Variants in CNTNAP5 observed in about 807,000 individuals in gnomAD.
CNTNAP5 encodes the protein contactin-associated protein-like 5.
Under a neutral mutation model 150.2 loss-of-function variants are expected in CNTNAP5, and 72 were observed. That is an observed-to-expected ratio of 0.48 (90% confidence interval 0.40 to 0.58). CNTNAP5 has a LOEUF of 0.58. Ranked by LOEUF, CNTNAP5 falls within the 20% of genes least tolerant of loss-of-function variation. The probability of loss-of-function intolerance (pLI) is 0.00; values close to 1 mark genes in which losing one functional copy is unlikely to be tolerated. For missense variants in CNTNAP5, 1,636 were observed against 1,626.2 expected (o/e 1.01, Z -0.10); for synonymous variants, 672 against 619.8 (o/e 1.08, Z -1.25).
At chr2:124,158,800 A>G (rs1238641688) in intron 1 of CNTNAP5, among the ~76,000 whole-genome samples, 2 of 152,138 alleles carry the variant, frequency 1.3e-5, no homozygotes, top group Non-Finnish European at 2.9e-5. Context: ...AAGACATCTC[A>G]CTAGGGTGAA....
chr2:124,618,675 C>T (rs1270064411), intron 12 of CNTNAP5, among the ~76,000 whole-genome samples: 1 of 152,106 alleles, frequency 6.6e-6, no homozygotes, highest in Non-Finnish European at 1.5e-5. Context: ...CCTTCCTGCG[C>T]ACAGAGAAGG....
In CNTNAP5 at chr2:124,055,923, CA is replaced by C. The variant is rs1436697297; in HGVS notation, c.82+30192del. Among the ~76,000 whole-genome samples the C allele has an allele frequency of 2.9e-3, 448 of 152,246 alleles. 4 individuals carry two copies. The highest frequency in any genetic ancestry group is 0.01 in the African/African-American group (434 of 41,548). On this transcript the variant is annotated intron_variant, in intron 1 of 23. Transcript: ENST00000682447. ...TTCCCTCTCCCGCACCATCCATGTCCACTGCCATGGCTCTGATTTTGACTCC... is the reference window on the plus strand; with the variant it reads ...TTCCCTCTCCCGCACCATCCATGTCCCTGCCATGGCTCTGATTTTGACTCC...
At chr2:124,034,796 C>T (rs1681164896) in intron 1 of CNTNAP5, among the ~76,000 whole-genome samples, 1 of 152,074 alleles carries the variant, frequency 6.6e-6, no homozygotes, top group African/African-American at 2.4e-5. Context: ...TCCCTAAGAC[C>T]ACCATTTGCA....
At chr2:124,639,144 G>T (rs960087546) in intron 12 of CNTNAP5, among the ~76,000 whole-genome samples, 1 of 152,134 alleles carries the variant, frequency 6.6e-6, no homozygotes, top group Non-Finnish European at 1.5e-5. Flanking sequence ...TTAGAGACAC[G>T]GAGATTTCTG....
intron 3 of CNTNAP5, among the ~76,000 whole-genome samples, chr2:124,367,818 C>T (rs978428932): frequency 2.6e-5 from 4 of 152,126 alleles, no homozygotes; most frequent in Admixed American, 1.3e-4. Flanking sequence ...GCTTAATGAC[C>T]TTTGTTCAAG....
chr2:124,437,191 A>T (rs1692552853), intron 5 of CNTNAP5, among the ~76,000 whole-genome samples: 1 of 152,184 alleles, frequency 6.6e-6, no homozygotes, highest in South Asian at 2.1e-4. Context: ...CTTGAGGCAG[A>T]TTGAGTACAT....
chr2:124,107,822 G>A (rs1187847385), intron 1 of CNTNAP5, among the ~76,000 whole-genome samples: 1 of 152,180 alleles, frequency 6.6e-6, no homozygotes, highest in Non-Finnish European at 1.5e-5. Context: ...AGGTGACTGA[G>A]GTACAGCTTG....
intron 1 of CNTNAP5, among the ~76,000 whole-genome samples, chr2:124,156,158 C>T (rs1395177842): frequency 6.6e-6 from 1 of 152,192 alleles, no homozygotes; most frequent in Non-Finnish European, 1.5e-5. Flanking sequence ...CTTTGAGAAG[C>T]TCATGGTCGA....
At chr2:124,420,218 TGA>T (rs1015549099) in intron 4 of CNTNAP5, among the ~76,000 whole-genome samples, 1 of 151,882 alleles carries the variant, frequency 6.6e-6, no homozygotes, top group African/African-American at 2.4e-5. Flanking sequence ...CTCGAACTCC[TGA>T]CCTCGTGATA....
intron 10 of CNTNAP5, among the ~76,000 whole-genome samples, chr2:124,540,588 A>G (rs1695355612): frequency 6.6e-6 from 1 of 152,228 alleles, no homozygotes; most frequent in Non-Finnish European, 1.5e-5. Context: ...TGAGCAAGAC[A>G]GAGAGTTTTT....
In CNTNAP5 at chr2:124,796,272, C is replaced by T. The variant is rs142116868; in HGVS notation, c.2993-1824C>T. On this transcript the variant is annotated intron_variant, in intron 18 of 23. Transcript: ENST00000682447. ...AAAAAAGTAATATCCTGTATATGCC[C>T]ATATCTATGTTATTCCTAACAGAAT... Among the ~76,000 whole-genome samples the T allele has an allele frequency of 3.3e-5, 5 of 152,216 alleles. No homozygotes were observed. In the East Asian group the frequency reaches 9.7e-4, roughly 29 times the overall value.
intron 10 of CNTNAP5, among the ~76,000 whole-genome samples, chr2:124,555,804 A>G (rs1695740063): frequency 6.6e-6 from 1 of 152,210 alleles, no homozygotes; most frequent in South Asian, 2.1e-4. Context: ...AATCTATTTT[A>G]AAGATTTCAC....
At chr2:124,633,292 G>A (rs541824732) in intron 12 of CNTNAP5, among the ~76,000 whole-genome samples, 20 of 152,244 alleles carry the variant, frequency 1.3e-4, no homozygotes, top group Admixed American at 1.2e-3. Context: ...AAACAAATTT[G>A]TTACTCCCAA....
chr2:124,332,099 G>A (rs978976110), intron 3 of CNTNAP5, among the ~76,000 whole-genome samples: 12 of 151,408 alleles, frequency 7.9e-5, no homozygotes, highest in African/African-American at 2.2e-4. Flanking sequence ...AGATATATAT[G>A]TTTTACTCAT....
intron 4 of CNTNAP5, among the ~76,000 whole-genome samples, chr2:124,433,710 A>AT (rs1395275621): frequency 6.6e-6 from 1 of 152,082 alleles, no homozygotes; most frequent in East Asian, 1.9e-4. Context: ...AGAAAAAAAA[A>AT]CCCGCAAAAA....
chr2:124,160,088 T>C (rs1305360711), intron 1 of CNTNAP5, among the ~76,000 whole-genome samples: 1 of 152,088 alleles, frequency 6.6e-6, no homozygotes, highest in Admixed American at 6.6e-5. Context: ...TCGATTCACA[T>C]GATTATGGAA....
intron 19 of CNTNAP5, among the ~76,000 whole-genome samples, chr2:124,864,210 A>AT (rs1007073568): frequency 9.2e-5 from 14 of 152,114 alleles, no homozygotes; most frequent in African/African-American, 2.9e-4. Context: ...TCTTTCAAAC[A>AT]TTTTTTTAAA....
At position 124,917,308 on chromosome 2, in the gene CNTNAP5, G is replaced by T. The variant is rs115284924; in HGVS notation, c.*3020G>T. Reference sequence around the variant, plus strand: ...TGAAATTTCACATTTTAATGGAGCTGTTTCATTGATATTTTTTTCCACCAA... The same window carrying T: ...TGAAATTTCACATTTTAATGGAGCTTTTTCATTGATATTTTTTTCCACCAA... On this transcript the variant is annotated 3_prime_UTR_variant, in exon 24 of 24. Coordinates refer to ENST00000682447, the MANE Select transcript of CNTNAP5 (RefSeq NM_001367498.1). Among the ~76,000 whole-genome samples, 355 of 152,044 alleles carry T rather than the reference G, an allele frequency of 2.3e-3. 1 individual carries two copies. The highest frequency in any genetic ancestry group is 7.9e-3 in the African/African-American group (326 of 41,500).
intron 3 of CNTNAP5, among the ~76,000 whole-genome samples, chr2:124,363,523 T>C (rs942964193): frequency 1.3e-5 from 2 of 152,232 alleles, no homozygotes; most frequent in African/African-American, 4.8e-5. Flanking sequence ...TATTACTTTT[T>C]TCTCTTTTTC....
Sources: allele counts gnomAD v4.1 joint callset (sites outside exome capture counted in the v4.1 genomes callset), GRCh38; gene constraint gnomAD v4.1.1; transcripts MANE v1.5; gene names NCBI Gene and HGNC (gene_info 2026-07-23, HGNC 2026-07-21).